Variants in RSU1 observed in about 807,000 individuals in gnomAD.
RSU1 encodes Ras suppressor protein 1, also known as rsu-1.
In RSU1, 26 loss-of-function variants were observed where a neutral mutation model predicts 31.1. That is an observed-to-expected ratio of 0.84 (90% CI 0.61 to 1.16). The LOEUF (loss-of-function observed/expected upper bound fraction) is 1.16. RSU1 is among the 50% of genes most tolerant of loss of function. RSU1 has a pLI of 0.00. For missense variants in RSU1, 320 were observed against 339.1 expected (o/e 0.94, Z 0.44); for synonymous variants, 164 against 136.3 (o/e 1.20, Z -1.41).
chr10:16,761,190 G>T (rs1458091158), intron 4 of RSU1, among the ~76,000 whole-genome samples: 1 of 152,174 alleles, frequency 6.6e-6, no homozygotes, highest in Admixed American at 6.5e-5. Context: ...TGACCTGCCA[G>T]CCTCAGCCTC....
chr10:16,665,394 T>C (rs1391776514), intron 8 of RSU1, among the ~76,000 whole-genome samples: 1 of 152,212 alleles, frequency 6.6e-6, no homozygotes, highest in Non-Finnish European at 1.5e-5. Context: ...GCTCAGGATT[T>C]GAACTAAAGG....
intron 7 of RSU1, among the ~76,000 whole-genome samples, chr10:16,706,629 G>A (rs1473473566): frequency 3.9e-5 from 6 of 152,024 alleles, no homozygotes; most frequent in African/African-American, 1.4e-4. Context: ...CATACTTATG[G>A]GGGTACAATT....
chr10:16,754,694 C>T (rs755134292), intron 5 of RSU1, among the ~76,000 whole-genome samples, 177 bp downstream of exon 5: 1 of 151,910 alleles, frequency 6.6e-6, no homozygotes, highest in Non-Finnish European at 1.5e-5. Context: ...TGTCACATAA[C>T]GATCTATCAA....
intron 7 of RSU1, among the ~76,000 whole-genome samples, chr10:16,724,221 G>C (rs1836337670): frequency 6.6e-6 from 1 of 152,170 alleles, no homozygotes; most frequent in African/African-American, 2.4e-5. Context: ...GGGATTACAG[G>C]CATGAGCCAC....
rs1200423418 is a variant in RSU1, at chr10:16,645,806, C to CA, written c.731+49216dup. Among the ~76,000 whole-genome samples the CA allele has an allele frequency of 1.0e-3, 149 of 142,050 alleles. 1 individual carries two copies. Among genetic ancestry groups the CA allele is most frequent in the African/African-American group, 3.3e-3 (128 of 38,318 alleles). The allele number at this position is 142,050 out of a possible 152,430, so 93.2% of individuals were successfully genotyped here. The stretch of plus-strand genomic sequence containing the variant: ...TGGACGACAGAGCGAGACTCTGTCA[C>CA]AAAAAAAACAACAAAAACAAGTCAC... On this transcript the variant is annotated intron_variant, in intron 8 of 8. Coordinates refer to ENST00000345264, the MANE Select transcript of RSU1 (RefSeq NM_012425.4).
chr10:16,608,499 G>A (rs1442620072), intron 8 of RSU1, among the ~76,000 whole-genome samples: 1 of 152,082 alleles, frequency 6.6e-6, no homozygotes, highest in East Asian at 1.9e-4. Context: ...GCTGCATCTG[G>A]TACCTTTTCC....
chr10:16,777,757 G>A (rs571198838), intron 3 of RSU1, among the ~76,000 whole-genome samples: 1 of 152,308 alleles, frequency 6.6e-6, no homozygotes, highest in South Asian at 2.1e-4. Flanking sequence ...TTAAGGAGCA[G>A]ACTAAAAAAG....
chr10:16,695,534 G>A (rs552623658), intron 7 of RSU1, among the ~76,000 whole-genome samples: 34 of 152,186 alleles, frequency 2.2e-4, no homozygotes, highest in Admixed American at 1.4e-3. Flanking sequence ...GCTGATCTGG[G>A]CCCAATCTGA....
rs1474866389 is a variant in RSU1 at position 16,592,400 on chromosome 10, CACAGATGTT to C, written c.*985_*993del. The C allele has an allele frequency of 6.6e-6, 1 of 152,208 alleles. No individual in the cohort carries two copies. The highest frequency in any genetic ancestry group is 2.1e-4 in the South Asian group (1 of 4,828). 9.4% of individuals were successfully genotyped at this position (152,208 alleles called of 1,614,324 possible). On this transcript the variant is annotated 3_prime_UTR_variant, in exon 9 of 9. Coordinates refer to ENST00000345264, the MANE Select transcript of RSU1 (RefSeq NM_012425.4). ...GTTGAAAAGAAGGAAAGCTGCCTAT[CACAGATGTT>C]AAACAAACAATTGATTGTTTAATGA...
intron 2 of RSU1, among the ~76,000 whole-genome samples, chr10:16,799,985 T>C (rs1015583141): frequency 6.6e-6 from 1 of 151,978 alleles, no homozygotes; most frequent in Admixed American, 6.6e-5. Flanking sequence ...TATAAAATAA[T>C]ACGGAATTAC....
chr10:16,733,333 TAAAAAAA>T (rs569239845), intron 7 of RSU1, among the ~76,000 whole-genome samples: 8 of 79,642 alleles, frequency 1.0e-4, no homozygotes, highest in Non-Finnish European at 1.5e-4. Flanking sequence ...TCTACGACAA[TAAAAAAA>T]AAAAAAAAAA....
chr10:16,721,117 G>A (rs1042849751), intron 7 of RSU1, among the ~76,000 whole-genome samples: 20 of 152,170 alleles, frequency 1.3e-4, no homozygotes, highest in East Asian at 3.8e-4. Flanking sequence ...TAACTTGTCC[G>A]TCAGGTGCTC....
At chr10:16,774,085 G>C (rs1357640159) in intron 3 of RSU1, among the ~76,000 whole-genome samples, 1 of 148,096 alleles carries the variant, frequency 6.8e-6, no homozygotes, top group East Asian at 1.9e-4. Flanking sequence ...ATGGAAATGG[G>C]AAAGGTATTC....
At chr10:16,756,145 AT>A (rs1476511461) in intron 4 of RSU1, among the ~76,000 whole-genome samples, 1 of 152,118 alleles carries the variant, frequency 6.6e-6, no homozygotes, top group Non-Finnish European at 1.5e-5. Flanking sequence ...AACACTGAAA[AT>A]TATCTTCAAT....
chr10:16,726,510 C>A (rs977262180), intron 7 of RSU1, among the ~76,000 whole-genome samples: 4 of 152,040 alleles, frequency 2.6e-5, no homozygotes, highest in Non-Finnish European at 5.9e-5. Flanking sequence ...CGTGATCCAC[C>A]CATCTCGGCC....
intron 8 of RSU1, among the ~76,000 whole-genome samples, chr10:16,620,794 G>T (rs1005109101): frequency 1.3e-5 from 2 of 151,288 alleles, no homozygotes; most frequent in Admixed American, 6.6e-5. Flanking sequence ...GCAGTCAGCT[G>T]AGATCGCGCC....
At chr10:16,705,306 C>A (rs780766202) in intron 7 of RSU1, among the ~76,000 whole-genome samples, 2 of 152,120 alleles carry the variant, frequency 1.3e-5, no homozygotes, top group Non-Finnish European at 1.5e-5. Flanking sequence ...TCCACGGATG[C>A]TCAAGTCTCT....
At chr10:16,660,645 CTTTTTTTTT>C (rs796601054) in intron 8 of RSU1, among the ~76,000 whole-genome samples, 1 of 79,542 alleles carries the variant, frequency 1.3e-5, no homozygotes, top group Non-Finnish European at 2.2e-5. Flanking sequence ...CTTGAACTCT[CTTTTTTTTT>C]TTTTTTTTTT....
chr10:16,780,604 T>C (rs1010695339), intron 3 of RSU1, among the ~76,000 whole-genome samples: 1 of 152,216 alleles, frequency 6.6e-6, no homozygotes, highest in Non-Finnish European at 1.5e-5. Context: ...ATCATTGTTG[T>C]AACAATGGTA....
Sources: gnomAD v4.1 joint callset for allele counts (sites outside exome capture counted in the v4.1 genomes callset) on GRCh38, gnomAD v4.1.1 for gene constraint, MANE v1.5 for transcripts, NCBI Gene and HGNC (gene_info 2026-07-23, HGNC 2026-07-21) for gene names.